The following OPCML variants were observed in gnomAD, a reference collection of about 807,000 sequenced individuals.
The protein encoded by OPCML is opioid binding protein/cell adhesion molecule like.
Under a neutral mutation model 37.8 loss-of-function variants are expected in OPCML, and 13 were observed. The ratio of observed to expected loss-of-function variants is 0.34; its 90% CI spans 0.22 to 0.55. OPCML has a LOEUF of 0.55. Ranked by LOEUF, OPCML falls within the 20% of genes least tolerant of loss-of-function variation. The pLI is 0.91. For missense variants in OPCML, 341 were observed against 435.6 expected (o/e 0.78, Z 1.93); for synonymous variants, 176 against 168.8 (o/e 1.04, Z -0.33).
chr11:132,802,907 A>C (rs922494523), intron 2 of OPCML, among the ~76,000 whole-genome samples: 2 of 152,186 alleles, frequency 1.3e-5, no homozygotes, highest in Non-Finnish European at 2.9e-5. Flanking sequence ...TGGAAAATTA[A>C]ATGCTTTTTT....
chr11:132,948,945 G>A (rs1287544860), intron 1 of OPCML, among the ~76,000 whole-genome samples: 1 of 152,188 alleles, frequency 6.6e-6, no homozygotes, highest in Non-Finnish European at 1.5e-5. Flanking sequence ...CCCGATTACA[G>A]GGCTGTAATG....
At chr11:132,961,193 G>A (rs1946085923) in intron 1 of OPCML, among the ~76,000 whole-genome samples, 1 of 152,206 alleles carries the variant, frequency 6.6e-6, no homozygotes. Flanking sequence ...ACACAGACAT[G>A]TGAGCAGCAC....
intron 3 of OPCML, among the ~76,000 whole-genome samples, chr11:132,605,989 AC>A (rs944148285): frequency 6.6e-6 from 1 of 152,114 alleles, no homozygotes; most frequent in African/African-American, 2.4e-5. Flanking sequence ...CTCTGTGAAT[AC>A]TTTTGAGTTA....
At chr11:133,148,861 G>T (rs1467391118) in intron 1 of OPCML, among the ~76,000 whole-genome samples, 1 of 152,164 alleles carries the variant, frequency 6.6e-6, no homozygotes, top group African/African-American at 2.4e-5. Context: ...CTGAAAAAGG[G>T]AAGGAAGGAA....
intron 1 of OPCML, among the ~76,000 whole-genome samples, chr11:133,030,857 G>T (rs957962542): frequency 1.3e-5 from 2 of 151,596 alleles, no homozygotes; most frequent in African/African-American, 2.4e-5. Context: ...GCATTCCATC[G>T]TCCTTTGCAC....
At chr11:133,229,274 G>C (rs1940172590) in intron 1 of OPCML, among the ~76,000 whole-genome samples, 1 of 152,132 alleles carries the variant, frequency 6.6e-6, no homozygotes, top group Non-Finnish European at 1.5e-5. Flanking sequence ...TCTTAAATAC[G>C]GTAGTCCCCC....
chr11:133,359,656 T>C lies in OPCML; in HGVS notation c.61+172608A>G, dbSNP rs528125965. 1.6e-4 allele frequency among the ~76,000 whole-genome samples: 25 copies of C among 152,242 alleles called. No homozygotes were observed. The South Asian group carries it at 5.2e-3, about 32-fold the overall frequency. On this transcript the variant is annotated intron_variant, in intron 1 of 7. Transcript: ENST00000524381. ...ACTGCTATTTATCAAAGCAGCAAAA[T>C]AGATAAGCTCTTGTCCCTCAGCTGC...
At chr11:133,033,832 G>T in intron 1 of OPCML, among the ~76,000 whole-genome samples, 1 of 152,034 alleles carries the variant, frequency 6.6e-6, no homozygotes, top group East Asian at 1.9e-4. Flanking sequence ...ATGTGGTCAC[G>T]GGTATCAACT....
intron 1 of OPCML, among the ~76,000 whole-genome samples, chr11:133,253,249 T>C (rs185064220): frequency 9.1e-4 from 138 of 152,228 alleles, no homozygotes; most frequent in African/African-American, 3.2e-3. Context: ...TTAATGATGC[T>C]AATGATGAGT....
intron 2 of OPCML, among the ~76,000 whole-genome samples, chr11:132,730,567 C>A (rs1180806683): frequency 6.6e-6 from 1 of 151,978 alleles, no homozygotes; most frequent in Non-Finnish European, 1.5e-5. Context: ...TGGAGAAGCA[C>A]CTGAGTGATA....
chr11:132,827,807 A>T (rs1034848356), intron 2 of OPCML, among the ~76,000 whole-genome samples: 21 of 149,120 alleles, frequency 1.4e-4, no homozygotes, highest in Middle Eastern at 3.5e-3. Flanking sequence ...GCCTGGCTGA[A>T]TTTTTTTTTT....
At chr11:133,169,365 A>AAAATT in intron 1 of OPCML, among the ~76,000 whole-genome samples, 1 of 152,330 alleles carries the variant, frequency 6.6e-6, no homozygotes, top group Admixed American at 6.5e-5. Flanking sequence ...ACTGAGTTAA[A>AAAATT]AAATTAAACA....
chr11:132,792,053 G>C (rs1304557140), intron 2 of OPCML, among the ~76,000 whole-genome samples: 1 of 152,254 alleles, frequency 6.6e-6, no homozygotes, highest in Non-Finnish European at 1.5e-5. Context: ...AGAACGCTGT[G>C]TCTCTCTGAA....
chr11:133,058,914 G>C (rs956401951), intron 1 of OPCML, among the ~76,000 whole-genome samples: 1 of 152,252 alleles, frequency 6.6e-6, no homozygotes, highest in Non-Finnish European at 1.5e-5. Context: ...AGGGTTCCAA[G>C]CTTGCCTCAC....
chr11:132,682,993 C>T (rs537619501), intron 2 of OPCML, among the ~76,000 whole-genome samples: 11 of 152,324 alleles, frequency 7.2e-5, no homozygotes, highest in Middle Eastern at 6.8e-3. Context: ...AAGCCTCAAA[C>T]TCATTTATAA....
intron 1 of OPCML, among the ~76,000 whole-genome samples, chr11:133,112,194 A>G (rs192246698): frequency 6.8e-6 from 1 of 146,022 alleles, no homozygotes; most frequent in Non-Finnish European, 1.5e-5. Flanking sequence ...GTTCCATCCA[A>G]GGATTTTTTT....
chr11:133,353,484 A>G (rs1350901070), intron 1 of OPCML, among the ~76,000 whole-genome samples: 3 of 152,062 alleles, frequency 2.0e-5, no homozygotes, highest in African/African-American at 7.2e-5. Context: ...TTGGCCAGTC[A>G]TCTTTAGGGA....
At chr11:133,139,730 G>A (rs1468997141) in intron 1 of OPCML, among the ~76,000 whole-genome samples, 1 of 152,118 alleles carries the variant, frequency 6.6e-6, no homozygotes, top group African/African-American at 2.4e-5. Flanking sequence ...TGAATGCGGG[G>A]CTTGAGTTTT....
intron 4 of OPCML, among the ~76,000 whole-genome samples, chr11:132,465,437 G>A (rs1458340227): frequency 1.3e-5 from 2 of 152,016 alleles, no homozygotes; most frequent in African/African-American, 4.8e-5. Flanking sequence ...GCAATGAATT[G>A]ATTTCTAGTG....
Sources: gnomAD v4.1 joint callset for allele counts (sites outside exome capture counted in the v4.1 genomes callset) on GRCh38, gnomAD v4.1.1 for gene constraint, MANE v1.5 for transcripts, NCBI Gene and HGNC (gene_info 2026-07-23, HGNC 2026-07-21) for gene names.